Variants in SEC61A2 observed in about 807,000 individuals in gnomAD.
SEC61A2 encodes SEC61 translocon subunit alpha 2, also known as protein transport protein Sec61 subunit alpha isoform 2.
A neutral mutation model predicts 59.9 loss-of-function variants in SEC61A2; 28 were observed. The ratio of observed to expected loss-of-function variants is 0.47; its 90% confidence interval spans 0.35 to 0.64. SEC61A2 has a LOEUF of 0.64. Among genes scored for constraint, SEC61A2 ranks in the 30% least tolerant of loss-of-function variants. The pLI, the probability that SEC61A2 is intolerant of heterozygous loss-of-function variation, is 0.01. For missense variants in SEC61A2, 340 were observed against 585.9 expected (o/e 0.58, Z 4.33); for synonymous variants, 202 against 214.4 (o/e 0.94, Z 0.50).
chr10:12,143,077 T>C lies in SEC61A2; in HGVS notation c.142-40T>C, dbSNP rs750255718. ...AAGCGATTCTTATGCCTCAGCCTTA[T>C]ATAATACAGTTTCATAAACTATTTT... On this transcript the variant is annotated intron_variant, in intron 3 of 11. Coordinates refer to ENST00000298428, the MANE Select transcript of SEC61A2 (RefSeq NM_018144.4). This position sits in a 1 kb window ranked among gnomAD's most constrained non-coding sequence, Gnocchi z 4.8. The C allele has an allele frequency of 3.3e-6, 5 of 1,493,780 alleles. No individual in the cohort carries two copies. The African/African-American group carries it at 5.5e-5, about 16-fold the overall frequency. The allele number at this position is 1,493,780 out of a possible 1,614,324, so 92.5% of individuals were successfully genotyped here. A position where few individuals can be genotyped will look rare whatever the true frequency, so the allele number is the denominator to read the frequency against.
chr10:12,134,320 T>C (rs1376090699), intron 2 of SEC61A2, among the ~76,000 whole-genome samples: 6 of 145,816 alleles, frequency 4.1e-5, no homozygotes, highest in Non-Finnish European at 7.6e-5. Flanking sequence ...AGTATTTTAT[T>C]GCTTTGAGAT....
Position 12,142,109 on chromosome 10 carries a change from A to G in SEC61A2, c.142-1008A>G, listed in dbSNP as rs983641785. Reference sequence around the variant, plus strand: ...AACATGCAAGAATGCTGTGTGTCACAGCCTGTTATTTGTGTAATAGCATCA... The same window carrying G: ...AACATGCAAGAATGCTGTGTGTCACGGCCTGTTATTTGTGTAATAGCATCA... On this transcript the variant is annotated intron_variant, in intron 3 of 11. Transcript: ENST00000298428. This position sits in a 1 kb window ranked among gnomAD's most constrained non-coding sequence, Gnocchi z 5.4. Among the ~76,000 whole-genome samples the G allele has an allele frequency of 3.3e-5, 5 of 152,260 alleles. No individual in the cohort carries two copies. Among genetic ancestry groups the G allele is most frequent in the Non-Finnish European group, 7.3e-5 (5 of 68,044 alleles).
rs1475039731 is a variant in SEC61A2 at position 12,148,235 on chromosome 10, G to A, written c.221-1360G>A. ...ATTACAGGCGTGAGCCACCATGCCC[G>A]GCCATTTTTTTTTTTTTTTTTTTTT... is the stretch of plus-strand genomic sequence containing the variant. On this transcript the variant is annotated intron_variant, in intron 4 of 11. Transcript: ENST00000298428. Among the ~76,000 whole-genome samples the A allele has an allele frequency of 7.2e-5, 9 of 124,902 alleles. No individual in the cohort carries two copies. The Admixed American group carries it at 7.3e-4, about 10-fold the overall frequency. 81.9% of individuals were successfully genotyped at this position (124,902 alleles called of 152,430 possible).
At position 12,155,524 on chromosome 10, in the gene SEC61A2, A is replaced by G. The variant is rs1834376856; in HGVS notation, c.463-254A>G. ...AAACATTGCAAAAGAAACTATTCAG[A>G]TAAGTGTAAATAGACTTTAAAAGTT... On this transcript the variant is annotated intron_variant, in intron 6 of 11. Coordinates refer to ENST00000298428, the MANE Select transcript of SEC61A2 (RefSeq NM_018144.4). This position sits in a 1 kb window ranked among gnomAD's most constrained non-coding sequence, Gnocchi z 4.3. 4 of 675,222 alleles carry G rather than the reference A, an allele frequency of 5.9e-6. No homozygotes were observed. In the East Asian group the frequency reaches 8.2e-5, roughly 14 times the overall value. The allele number at this position is 675,222 out of a possible 1,614,324, so 41.8% of individuals were successfully genotyped here.
downstream of SEC61A2, chr10:12,165,427 T>C: frequency 1.1e-6 from 1 of 907,060 alleles, no homozygotes; most frequent in Non-Finnish European, 1.3e-6. Context: ...AGATCATTTG[T>C]ATAGGTTCAG....
chr10:12,136,150 A>C lies in SEC61A2; in HGVS notation c.121A>C (p.Ile41Leu). 6.3e-7 allele frequency: 1 copy of C among 1,596,720 alleles called. No individual in the cohort carries two copies. The highest frequency in any genetic ancestry group is 8.6e-7 in the Non-Finnish European group (1 of 1,164,354). ...KVLWTAITLFIFLVCCQIPLF... is the reference protein window; with the variant it reads ...KVLWTAITLFLFLVCCQIPLF... ...TCTGTGGACTGCTATAACGCTCTTC[A>C]TTTTCTTAGTGTGTTGTCAGGTATG... is the stretch of plus-strand genomic sequence containing the variant. The change falls in exon 3 of 12, where the codon ATT becomes CTT. Residue 41 changes from isoleucine (I) to leucine (L), a missense_variant. Physicochemically the swap from Ile to Leu is conservative, Grantham distance 5. Around this residue, in one of 3 missense-constraint regions of SEC61A2, gnomAD observed 41 missense variants for 47.6 expected, o/e 0.86. Coordinates refer to ENST00000298428, the MANE Select transcript of SEC61A2 (RefSeq NM_018144.4).
intron 4 of SEC61A2, among the ~76,000 whole-genome samples, chr10:12,147,618 G>T (rs1019955249): frequency 9.9e-5 from 15 of 151,744 alleles, no homozygotes; most frequent in Admixed American, 6.6e-5. Context: ...CCAGGAGGTG[G>T]AGGTTGCAGT....
rs182347645 is a variant in SEC61A2 at position 12,161,659 on chromosome 10, T to G, written c.1167+538T>G. ...AGGAGGCTGAGGCAGGAGAATCGCTTGAACCTGGGAGTCGGAGGTTGCAGT... is the reference window on the plus strand; with the variant it reads ...AGGAGGCTGAGGCAGGAGAATCGCTGGAACCTGGGAGTCGGAGGTTGCAGT... On this transcript the variant is annotated intron_variant, in intron 10 of 11. Transcript: ENST00000298428. This position sits in a 1 kb window ranked among gnomAD's most constrained non-coding sequence, Gnocchi z 5.4. 2.6e-3 allele frequency among the ~76,000 whole-genome samples: 395 copies of G among 152,272 alleles called. 1 individual carries two copies. Among genetic ancestry groups the G allele is most frequent in the African/African-American group, 9.2e-3 (380 of 41,530 alleles).
In SEC61A2 at chr10:12,160,264, CAGTAA is replaced by C. The variant is rs1834496789; in HGVS notation, c.976-663_976-659del. On this transcript the variant is annotated intron_variant, in intron 9 of 11. Transcript: ENST00000298428. This position sits in a 1 kb window ranked among gnomAD's most constrained non-coding sequence, Gnocchi z 4.1. ...TCTGGGATTAATGATTCTAGGGGCA[CAGTAA>C]AGAAATCATTGGGCAGTCATAAATT... Among the ~76,000 whole-genome samples, 1 of 152,046 alleles carries C rather than the reference CAGTAA, an allele frequency of 6.6e-6. No individual in the cohort carries two copies. The highest frequency in any genetic ancestry group is 2.1e-4 in the South Asian group (1 of 4,832).
At chr10:12,147,229 C>T (rs555747242) in intron 4 of SEC61A2, among the ~76,000 whole-genome samples, 9 of 152,266 alleles carry the variant, frequency 5.9e-5, no homozygotes, top group African/African-American at 1.4e-4. Flanking sequence ...CCTTTTGCCA[C>T]GTGGAAGTTT....
chr10:12,167,563 C>T, downstream of SEC61A2: 3 of 728,642 alleles, frequency 4.1e-6, no homozygotes, highest in Non-Finnish European at 4.4e-6. Context: ...CAATTCCATA[C>T]CACCACCACA....
At chr10:12,167,999 G>C, downstream of SEC61A2, 1 of 1,104,526 alleles carries the variant, frequency 9.1e-7, no homozygotes, top group Non-Finnish European at 1.2e-6. Context: ...TACATTCCTA[G>C]CATGAGACAA....
chr10:12,141,553 A>C (rs1404361763), intron 3 of SEC61A2, among the ~76,000 whole-genome samples: 1 of 152,190 alleles, frequency 6.6e-6, no homozygotes, highest in South Asian at 2.1e-4. Context: ...CATTATGGAA[A>C]ATTTGATACA....
chr10:12,162,306 G>A lies in SEC61A2; in HGVS notation c.1244+17G>A. On this transcript the variant is annotated intron_variant, in intron 11 of 11. Coordinates refer to ENST00000298428, the MANE Select transcript of SEC61A2 (RefSeq NM_018144.4). This position sits in a 1 kb window ranked among gnomAD's most constrained non-coding sequence, Gnocchi z 6.1. ...GCTTAATAGGTAAGGCTGCTAGACT[G>A]ACACCTTTATAGGCCTGTGTTTGTG... is the stretch of plus-strand genomic sequence containing the variant. 6.3e-7 allele frequency: 1 copy of A among 1,594,208 alleles called. No individual in the cohort carries two copies. Among genetic ancestry groups the A allele is most frequent in the Non-Finnish European group, 8.6e-7 (1 of 1,162,284 alleles).
chr10:12,140,919 A>G (rs1834004316), intron 3 of SEC61A2, among the ~76,000 whole-genome samples: 1 of 151,094 alleles, frequency 6.6e-6, no homozygotes. Context: ...TTGTTTTTTG[A>G]GATGGAGTCT....
At chr10:12,157,459 C>G in intron 8 of SEC61A2, among the ~76,000 whole-genome samples, 1 of 150,782 alleles carries the variant, frequency 6.6e-6, no homozygotes, top group East Asian at 1.9e-4. Context: ...CCTCAGCTTC[C>G]TGAGTAGCTG....
At chr10:12,138,089 T>C (rs895029882) in intron 3 of SEC61A2, among the ~76,000 whole-genome samples, 1 of 152,176 alleles carries the variant, frequency 6.6e-6, no homozygotes, top group Non-Finnish European at 1.5e-5. Context: ...GAAAATCTAT[T>C]GAAATACTTG....
downstream of SEC61A2, chr10:12,169,228 C>A (rs373661831): frequency 4.8e-4 from 708 of 1,476,048 alleles, 3 homozygotes; most frequent in African/African-American, 8.8e-3. This position sits in a 1 kb window ranked among gnomAD's most constrained non-coding sequence, Gnocchi z 4.8. Flanking sequence ...CCTCCCCTCA[C>A]TTATTCTATT....
In SEC61A2 at chr10:12,156,529, A is replaced by C. The variant is rs1482727886; in HGVS notation, c.617-378A>C. Among the ~76,000 whole-genome samples, 1 of 152,198 alleles carries C rather than the reference A, an allele frequency of 6.6e-6. No homozygotes were observed. The highest frequency in any genetic ancestry group is 2.4e-5 in the African/African-American group (1 of 41,454). The stretch of plus-strand genomic sequence containing the variant: ...TTCGAGGCAGGCTCGATAGAGTGAC[A>C]TCTGTCTCTTATTCTGACATCTCTG... On this transcript the variant is annotated intron_variant, in intron 7 of 11. Coordinates refer to ENST00000298428, the MANE Select transcript of SEC61A2 (RefSeq NM_018144.4). The surrounding 1 kb of genome is among the most constrained non-coding windows in gnomAD (Gnocchi z 5.2).
Sources: gnomAD v4.1 joint callset for allele counts (sites outside exome capture counted in the v4.1 genomes callset) on GRCh38, gnomAD v4.1.1 for gene constraint, gnomAD v4.1.1 regional missense constraint, Gnocchi (gnomAD v3.1) non-coding constraint, MANE v1.5 for transcripts, NCBI Gene and HGNC (gene_info 2026-07-23, HGNC 2026-07-21) for gene names.